PTK2: variants seen among roughly 807,000 people sequenced by gnomAD.
PTK2 encodes protein tyrosine kinase 2.
A neutral mutation model predicts 150.1 loss-of-function variants in PTK2; 45 were observed. The ratio of observed to expected loss-of-function variants is 0.30; its 90% confidence interval spans 0.24 to 0.38. The LOEUF (loss-of-function observed/expected upper bound fraction) is 0.38, where lower values mean the gene tolerates loss of function less well. PTK2 is among the 10% of genes least tolerant of loss of function. The pLI, the probability that PTK2 is intolerant of heterozygous loss-of-function variation, is 1.00. For synonymous variants in PTK2, 432 were observed against 449.2 expected (o/e 0.96, Z 0.48); for missense variants, 919 against 1,307.3 (o/e 0.70, Z 4.58).
chr8:140,715,338 G>A (rs2100039101), intron 23 of PTK2, among the ~76,000 whole-genome samples: 1 of 151,580 alleles, frequency 6.6e-6, no homozygotes, highest in African/African-American at 2.4e-5. Flanking sequence ...ATGGCTGGCT[G>A]ATTTTTGTAT....
At chr8:140,852,771 A>T (rs1197621347) in intron 5 of PTK2, among the ~76,000 whole-genome samples, 1 of 152,238 alleles carries the variant, frequency 6.6e-6, no homozygotes, top group African/African-American at 2.4e-5. Flanking sequence ...AGCAGAAGTA[A>T]CCTAATTCCA....
chr8:140,897,539 T>C (rs776452071), intron 2 of PTK2, among the ~76,000 whole-genome samples: 5 of 152,312 alleles, frequency 3.3e-5, no homozygotes, highest in East Asian at 3.9e-4. Flanking sequence ...AAGTACCCTG[T>C]TGGTGGCATT....
chr8:140,754,579 A>T (rs73369978), intron 16 of PTK2, among the ~76,000 whole-genome samples: 6,106 of 152,282 alleles, frequency 0.04, 316 homozygotes, highest in African/African-American at 0.12. Flanking sequence ...CTGTCAACTA[A>T]TCAAATACTC....
At chr8:140,831,138 C>T (rs767343242) in intron 7 of PTK2, among the ~76,000 whole-genome samples, 2 of 152,170 alleles carry the variant, frequency 1.3e-5, no homozygotes, top group Non-Finnish European at 2.9e-5. Context: ...CAGCAATGTT[C>T]TTTAAGTCAG....
chr8:140,871,287 A>G (rs2100142360), intron 4 of PTK2, among the ~76,000 whole-genome samples: 1 of 152,264 alleles, frequency 6.6e-6, no homozygotes, highest in Admixed American at 6.5e-5. Flanking sequence ...TTCAAAATCA[A>G]TTATACTGAA....
At chr8:140,892,272 T>C (rs1217115729) in intron 2 of PTK2, among the ~76,000 whole-genome samples, 1 of 152,182 alleles carries the variant, frequency 6.6e-6, no homozygotes, top group Non-Finnish European at 1.5e-5. Flanking sequence ...TAGATGCTCA[T>C]GCCTATAATC....
At chr8:140,667,116 G>A (rs1423309060) in intron 30 of PTK2, among the ~76,000 whole-genome samples, 1 of 152,120 alleles carries the variant, frequency 6.6e-6, no homozygotes, top group Non-Finnish European at 1.5e-5. Flanking sequence ...GGCTGGGGGA[G>A]GGGAAAAGAG....
Position 140,842,412 on chromosome 8 carries a change from T to G in PTK2, c.593+3848A>C, listed in dbSNP as rs367969745. ...GACAATCAATATCTCCCATGGATAA[T>G]AATCATAATTATAGTCCACATTTAT... On this transcript the variant is annotated intron_variant, in intron 7 of 31. Transcript: ENST00000522684. 2.2e-4 allele frequency among the ~76,000 whole-genome samples: 33 copies of G among 152,168 alleles called. 1 individual carries two copies. The highest frequency in any genetic ancestry group is 7.5e-4 in the African/African-American group (31 of 41,566).
chr8:140,963,446 C>T (rs774997846), intron 1 of PTK2, among the ~76,000 whole-genome samples: 6 of 152,178 alleles, frequency 3.9e-5, no homozygotes, highest in Non-Finnish European at 8.8e-5. Flanking sequence ...AACTCTTTCA[C>T]CTCACTTATC....
chr8:140,954,346 A>G (rs1193993456), intron 1 of PTK2, among the ~76,000 whole-genome samples: 1 of 152,158 alleles, frequency 6.6e-6, no homozygotes, highest in Non-Finnish European at 1.5e-5. Context: ...CTGGGATTAC[A>G]AGCATGAGCC....
chr8:140,786,335 C>T (rs1489643823), intron 14 of PTK2, among the ~76,000 whole-genome samples: 1 of 152,172 alleles, frequency 6.6e-6, no homozygotes, highest in Non-Finnish European at 1.5e-5. Flanking sequence ...AGCAGTAGGG[C>T]CTCTACCTTG....
intron 1 of PTK2, among the ~76,000 whole-genome samples, chr8:140,995,608 C>A (rs938882462): frequency 3.3e-5 from 5 of 151,838 alleles, no homozygotes; most frequent in Non-Finnish European, 7.4e-5. Flanking sequence ...TTGAGAACAG[C>A]CTGCGGAACA....
At chr8:140,902,928 T>TTTGTTTTTTG in intron 2 of PTK2, among the ~76,000 whole-genome samples, 1 of 62,552 alleles carries the variant, frequency 1.6e-5, no homozygotes. Context: ...AGAGTTGTTT[T>TTTGTTTTTTG]TTTTTTTTTT....
At chr8:140,900,715 G>C (rs1305110124) in intron 2 of PTK2, among the ~76,000 whole-genome samples, 1 of 150,832 alleles carries the variant, frequency 6.6e-6, no homozygotes, top group African/African-American at 2.4e-5. Flanking sequence ...AAGTGAGACT[G>C]TCTCAAAAAG....
intron 5 of PTK2, among the ~76,000 whole-genome samples, chr8:140,861,522 G>T (rs1462201419): frequency 6.6e-6 from 1 of 152,152 alleles, no homozygotes; most frequent in Non-Finnish European, 1.5e-5. Context: ...GGCAAGCTAT[G>T]TACCATCCCA....
intron 23 of PTK2, among the ~76,000 whole-genome samples, chr8:140,711,561 C>A (rs2100036900): frequency 6.6e-6 from 1 of 152,122 alleles, no homozygotes; most frequent in Admixed American, 6.5e-5. Context: ...ACTGAACTTT[C>A]CAGAACAGCA....
intron 18 of PTK2, among the ~76,000 whole-genome samples, chr8:140,745,004 G>A (rs1000058866): frequency 1.3e-5 from 2 of 151,786 alleles, no homozygotes; most frequent in Non-Finnish European, 2.9e-5. Context: ...TTTGACTAAC[G>A]ACAAATTTCT....
intron 31 of PTK2, chr8:140,660,589 G>A (rs1471801405): frequency 6.6e-6 from 3 of 454,882 alleles, no homozygotes; most frequent in African/African-American, 4.0e-5. Flanking sequence ...AGCTGAGTAT[G>A]GTGGTGTGCA....
chr8:140,753,765 C>T (rs534178563), intron 16 of PTK2, among the ~76,000 whole-genome samples: 2 of 152,292 alleles, frequency 1.3e-5, no homozygotes, highest in Admixed American at 6.5e-5. Context: ...TAACTACTGT[C>T]TATTCTCCAT....
Sources: allele counts gnomAD v4.1 joint callset (sites outside exome capture counted in the v4.1 genomes callset), GRCh38; gene constraint gnomAD v4.1.1; transcripts MANE v1.5; gene names NCBI Gene and HGNC (gene_info 2026-07-23, HGNC 2026-07-21).